Variants in SPOCK1 observed in about 807,000 individuals in gnomAD.
SPOCK1 encodes the protein SPARC (osteonectin), cwcv and kazal like domains proteoglycan 1, also known as testican-1.
Under a neutral mutation model 55.3 loss-of-function variants are expected in SPOCK1, and 23 were observed. The observed-to-expected ratio is 0.42, with a 90% CI of 0.30 to 0.59. The LOEUF (loss-of-function observed/expected upper bound fraction) is 0.59, where lower values mean the gene tolerates loss of function less well. Ranked by LOEUF, SPOCK1 falls within the 20% of genes least tolerant of loss-of-function variation. The probability of loss-of-function intolerance (pLI) is 0.22; values close to 1 mark genes in which losing one functional copy is unlikely to be tolerated. For synonymous variants in SPOCK1, 226 were observed against 221.0 expected (o/e 1.02, Z -0.20); for missense variants, 499 against 552.5 (o/e 0.90, Z 0.97).
rs1248209717 is a variant in SPOCK1, at chr5:137,498,484, G to T, written c.75C>A (p.Asp25Glu). ...TGGGGCCCGCGCCTCCGGCGAGCGC[G>T]TCCAGGTGCCGGCTCTCGACTTGGA... is the stretch of plus-strand genomic sequence containing the variant. ...CFLQVESRHL[D>E]ALAGGAGPNH... is the part of the protein sequence containing the mutation. The change falls in exon 2 of 11, where the codon GAC becomes GAA. Residue 25 changes from aspartate to glutamate, a missense_variant. Coordinates refer to ENST00000394945, the MANE Select transcript of SPOCK1 (RefSeq NM_004598.4). 1 of 1,597,614 alleles carries T rather than the reference G, an allele frequency of 6.3e-7. No individual in the cohort carries two copies. The highest frequency in any genetic ancestry group is 8.5e-7 in the Non-Finnish European group (1 of 1,174,622).
chr5:137,073,030 G>C (rs977524141), intron 5 of SPOCK1, among the ~76,000 whole-genome samples: 2 of 152,212 alleles, frequency 1.3e-5, no homozygotes, highest in Non-Finnish European at 2.9e-5. Context: ...TTTCTGCACA[G>C]AGCTTGAGTG....
chr5:137,457,508 C>T (rs1320199923), intron 2 of SPOCK1, among the ~76,000 whole-genome samples: 1 of 152,118 alleles, frequency 6.6e-6, no homozygotes, highest in African/African-American at 2.4e-5. Context: ...ATTGACTATT[C>T]CTTCTAGACA....
chr5:137,121,920 AC>A, intron 4 of SPOCK1, among the ~76,000 whole-genome samples: 1 of 146,494 alleles, frequency 6.8e-6, no homozygotes, highest in African/African-American at 2.5e-5. Flanking sequence ...CATAAATAAT[AC>A]TGTTATTATA....
intron 9 of SPOCK1, among the ~76,000 whole-genome samples, chr5:136,983,619 C>CAAAAAA (rs11364379): frequency 2.2e-5 from 3 of 135,340 alleles, no homozygotes; most frequent in Non-Finnish European, 1.6e-5. Context: ...CTCCTTGGAC[C>CAAAAAA]AAAAAAAAAA....
chr5:137,160,615 A>ATATATTATATATAATATATAATATAT (rs1561631816), intron 3 of SPOCK1, among the ~76,000 whole-genome samples: 2 of 43,400 alleles, frequency 4.6e-5, no homozygotes, highest in African/African-American at 2.0e-4. Flanking sequence ...ATAATATATA[A>ATATATTATATATAATATATAATATAT]TATATATTTT....
intron 2 of SPOCK1, among the ~76,000 whole-genome samples, chr5:137,391,072 A>T (rs1338067337): frequency 6.6e-6 from 1 of 151,652 alleles, no homozygotes; most frequent in Non-Finnish European, 1.5e-5. Context: ...CCAACCCCCC[A>T]AGAGAACTGG....
intron 2 of SPOCK1, among the ~76,000 whole-genome samples, chr5:137,412,168 C>A (rs1352999507): frequency 1.3e-5 from 2 of 152,184 alleles, no homozygotes; most frequent in Non-Finnish European, 2.9e-5. Context: ...ATTTTCCAGG[C>A]CCACAAGCCC....
chr5:137,172,240 G>C (rs531437388), intron 3 of SPOCK1, among the ~76,000 whole-genome samples: 1 of 152,288 alleles, frequency 6.6e-6, no homozygotes, highest in Admixed American at 6.5e-5. Flanking sequence ...GAAAGTGCCT[G>C]ATCCTGCAAG....
At chr5:137,183,307 C>T (rs1167248300) in intron 3 of SPOCK1, among the ~76,000 whole-genome samples, 9 of 152,168 alleles carry the variant, frequency 5.9e-5, no homozygotes, top group African/African-American at 2.2e-4. Flanking sequence ...AGATGAATGG[C>T]TAATTCAACA....
intron 2 of SPOCK1, among the ~76,000 whole-genome samples, chr5:137,420,031 T>G (rs1209761961): frequency 2.0e-5 from 3 of 152,242 alleles, no homozygotes; most frequent in Non-Finnish European, 4.4e-5. Flanking sequence ...GTCAAAGGCC[T>G]TTTCTGCATC....
chr5:137,456,024 T>C (rs768784977), intron 2 of SPOCK1, among the ~76,000 whole-genome samples: 11 of 151,806 alleles, frequency 7.2e-5, no homozygotes, highest in Non-Finnish European at 1.0e-4. Flanking sequence ...TAAGACCCTA[T>C]CTCTAAAATG....
intron 2 of SPOCK1, among the ~76,000 whole-genome samples, chr5:137,439,389 G>T (rs774207475): frequency 1.3e-5 from 2 of 152,166 alleles, no homozygotes; most frequent in African/African-American, 2.4e-5. Flanking sequence ...CACAGGGAGA[G>T]CTAAGGACCA....
chr5:137,136,509 G>A (rs1383026611), intron 4 of SPOCK1, among the ~76,000 whole-genome samples: 1 of 152,048 alleles, frequency 6.6e-6, no homozygotes, highest in Non-Finnish European at 1.5e-5. Context: ...CACTTGATCA[G>A]TTTTGACAAA....
At chr5:137,212,024 G>T (rs1379158462) in intron 3 of SPOCK1, among the ~76,000 whole-genome samples, 2 of 152,166 alleles carry the variant, frequency 1.3e-5, no homozygotes, top group African/African-American at 4.8e-5. Context: ...CTGAGAAGAG[G>T]GTTATGGGAA....
At chr5:137,098,775 G>A (rs184832532) in intron 5 of SPOCK1, among the ~76,000 whole-genome samples, 7 of 152,250 alleles carry the variant, frequency 4.6e-5, no homozygotes, top group East Asian at 1.9e-4. Flanking sequence ...ACTTTGCATC[G>A]TTTATTCTTG....
intron 2 of SPOCK1, among the ~76,000 whole-genome samples, chr5:137,365,936 C>A (rs778953805): frequency 6.6e-6 from 1 of 152,162 alleles, no homozygotes; most frequent in Admixed American, 6.5e-5. Context: ...CAACGACGCA[C>A]AAAAGTACAG....
chr5:137,346,403 T>C (rs1750556051), intron 2 of SPOCK1, among the ~76,000 whole-genome samples: 1 of 152,192 alleles, frequency 6.6e-6, no homozygotes, highest in Non-Finnish European at 1.5e-5. Flanking sequence ...AACTCTGCAT[T>C]GTCTGACCCC....
intron 5 of SPOCK1, among the ~76,000 whole-genome samples, chr5:137,071,366 A>T (rs1007839401): frequency 5.3e-5 from 8 of 152,184 alleles, no homozygotes; most frequent in African/African-American, 1.7e-4. Context: ...AGCTCCTTTA[A>T]AAACTGGCAG....
chr5:137,071,168 A>G (rs1752605755), intron 5 of SPOCK1, among the ~76,000 whole-genome samples: 1 of 152,064 alleles, frequency 6.6e-6, no homozygotes, highest in Middle Eastern at 3.4e-3. Context: ...GACTACAGAC[A>G]TGTTTTGTAG....
Sources: gnomAD v4.1 joint callset for allele counts (sites outside exome capture counted in the v4.1 genomes callset) on GRCh38, gnomAD v4.1.1 for gene constraint, MANE v1.5 for transcripts, NCBI Gene and HGNC (gene_info 2026-07-23, HGNC 2026-07-21) for gene names.